The following PATJ variants were observed in gnomAD, a reference collection of about 807,000 sequenced individuals.
The protein encoded by PATJ is PATJ crumbs cell polarity complex component.
A neutral mutation model predicts 224.9 loss-of-function variants in PATJ; 190 were observed. The observed-to-expected ratio is 0.84, with a 90% confidence interval of 0.75 to 0.95. The LOEUF is 0.95. PATJ is among the 40% of genes least tolerant of loss of function. The probability of loss-of-function intolerance (pLI) is 0.00; values close to 1 mark genes in which losing one functional copy is unlikely to be tolerated. For missense variants in PATJ, 2,121 were observed against 2,270.3 expected (o/e 0.93, Z 1.34); for synonymous variants, 769 against 820.3 (o/e 0.94, Z 1.07).
At chr1:62,157,631 G>A (rs893322314) in intron 43 of PATJ, among the ~76,000 whole-genome samples, 1 of 148,384 alleles carries the variant, frequency 6.7e-6, no homozygotes, top group Non-Finnish European at 1.5e-5. Context: ...AGGAGTTAAA[G>A]ACCAGCCTGG....
At chr1:62,145,803 A>G (rs1479257583) in intron 41 of PATJ, among the ~76,000 whole-genome samples, 1 of 151,768 alleles carries the variant, frequency 6.6e-6, no homozygotes, top group African/African-American at 2.4e-5. Flanking sequence ...TAAAAATACA[A>G]AAAAATTAGC....
intron 28 of PATJ, among the ~76,000 whole-genome samples, chr1:61,999,127 G>T (rs1281417315): frequency 6.6e-6 from 1 of 152,072 alleles, no homozygotes; most frequent in Non-Finnish European, 1.5e-5. Flanking sequence ...ATGTATGCTG[G>T]GGAAGAAATT....
intron 30 of PATJ, chr1:62,038,840 G>A (rs538491381): frequency 1.4e-6 from 1 of 708,274 alleles, no homozygotes; most frequent in African/African-American, 1.7e-5. Flanking sequence ...ACGGTGGGTG[G>A]GATGGAGGCG....
chr1:61,855,894 T>C (rs535737633), intron 17 of PATJ, 136 bp from the exon 18 acceptor site: 10 of 654,094 alleles, frequency 1.5e-5, no homozygotes, highest in African/African-American at 1.3e-4. Context: ...TTTACCTGTT[T>C]AGAAGATTAT....
chr1:62,114,213 G>T lies in PATJ; in HGVS notation c.4622G>T (p.Gly1541Val). 2 of 1,614,144 alleles carry T rather than the reference G, an allele frequency of 1.2e-6. No homozygotes were observed. The highest frequency in any genetic ancestry group is 1.7e-6 in the Non-Finnish European group (2 of 1,179,996). ...CCTGTGGATCTGCAGAAGAAAGCTG[G>T]CCGGGGCCTGGGCCTGAGCATCGTT... ...IFPVDLQKKA[G>V]RGLGLSIVGK... Residue 1541 changes from glycine (G) to valine (V), a missense_variant, in exon 35 of 44, where the codon GGC (glycine) becomes GTC (valine). Coordinates refer to ENST00000642238, the MANE Select transcript of PATJ (RefSeq NM_001350145.3).
At chr1:62,027,125 C>T (rs1421478808) in intron 29 of PATJ, among the ~76,000 whole-genome samples, 1 of 152,206 alleles carries the variant, frequency 6.6e-6, no homozygotes, top group Non-Finnish European at 1.5e-5. Context: ...AACAACTCCC[C>T]ATTCTTCCCT....
At chr1:61,945,610 A>G (rs1014585777) in intron 27 of PATJ, among the ~76,000 whole-genome samples, 1 of 152,154 alleles carries the variant, frequency 6.6e-6, no homozygotes, top group African/African-American at 2.4e-5. Flanking sequence ...AGAGACTTAG[A>G]CTCCCACACA....
intron 28 of PATJ, among the ~76,000 whole-genome samples, chr1:61,997,982 T>TTTTA (rs374175697): frequency 0.16 from 18,737 of 118,076 alleles, 1,981 homozygotes; most frequent in Non-Finnish European, 0.21. Flanking sequence ...TGTGCCCAGC[T>TTTTA]TATATATGTA....
intron 41 of PATJ, among the ~76,000 whole-genome samples, chr1:62,144,974 G>A (rs987800170): frequency 4.0e-5 from 6 of 151,816 alleles, no homozygotes; most frequent in Non-Finnish European, 7.4e-5. Flanking sequence ...CACCACACCG[G>A]CTAATTTCTT....
At chr1:62,079,326 C>T (rs1015635168) in intron 31 of PATJ, 124 bp from the exon 32 acceptor site, 4 of 637,210 alleles carry the variant, frequency 6.3e-6, no homozygotes, top group African/African-American at 5.5e-5. Context: ...ACCCTCCAAC[C>T]TTATATTCTC....
intron 33 of PATJ, among the ~76,000 whole-genome samples, chr1:62,107,646 A>G (rs1452052365): frequency 6.6e-6 from 1 of 152,134 alleles, no homozygotes; most frequent in Non-Finnish European, 1.5e-5. Flanking sequence ...GGTGGGAAGC[A>G]GTCTATTTTT....
chr1:61,953,248 A>T (rs141041942), intron 27 of PATJ, among the ~76,000 whole-genome samples: 1 of 152,252 alleles, frequency 6.6e-6, no homozygotes, highest in Admixed American at 6.5e-5. Context: ...GTATTCTTGC[A>T]TAAGTATTAT....
At chr1:62,136,677 G>C (rs9436659) in intron 41 of PATJ, among the ~76,000 whole-genome samples, 10 of 147,374 alleles carry the variant, frequency 6.8e-5, no homozygotes, top group African/African-American at 2.2e-4. Context: ...GTGTGTGTGT[G>C]TGTGTGTGTG....
chr1:61,808,589 C>A (rs1654048922), intron 14 of PATJ, 59 bp downstream of exon 14: 1 of 1,070,356 alleles, frequency 9.3e-7, no homozygotes, highest in South Asian at 1.3e-5. Context: ...TAGGGTCTCA[C>A]TATGTTGTCC....
chr1:62,123,126 C>T, intron 39 of PATJ, 68 bp downstream of exon 39: 1 of 1,096,124 alleles, frequency 9.1e-7, no homozygotes, highest in South Asian at 1.4e-5. Context: ...TGTACATTTT[C>T]CCCAATACAG....
intron 41 of PATJ, among the ~76,000 whole-genome samples, chr1:62,134,330 C>CT (rs779235130): frequency 0.61 from 59,403 of 96,824 alleles, 17,180 homozygotes; most frequent in East Asian, 0.72. Flanking sequence ...CCAGCCCTCT[C>CT]TTTTTTTTTT....
intron 43 of PATJ, among the ~76,000 whole-genome samples, chr1:62,155,692 T>TAA (rs34095874): frequency 0.22 from 31,131 of 140,476 alleles, 4,531 homozygotes; most frequent in East Asian, 0.64. Flanking sequence ...GCTCTGAATT[T>TAA]AAAAAAAAAA....
At chr1:61,822,000 A>T (rs1161491842) in intron 14 of PATJ, among the ~76,000 whole-genome samples, 1 of 152,190 alleles carries the variant, frequency 6.6e-6, no homozygotes. Flanking sequence ...CAGACCTAGA[A>T]TGGATAAACG....
chr1:61,856,226 G>A lies in PATJ; in HGVS notation c.2309G>A (p.Cys770Tyr), dbSNP rs540662157. ...VPPGLVHLGI[C>Y]KPLVEDNEEE... Reference sequence around the variant, plus strand: ...CCAGGCCTAGTACACCTTGGCATCTGTAAGCCTTTGGTGGTAAGTGTTGTA... The same window carrying A: ...CCAGGCCTAGTACACCTTGGCATCTATAAGCCTTTGGTGGTAAGTGTTGTA... Residue 770 changes from cysteine to tyrosine, a missense_variant, in exon 18 of 44, where the codon TGT becomes TAT. Transcript: ENST00000642238. 1.9e-5 allele frequency: 31 copies of A among 1,613,378 alleles called. No individual in the cohort carries two copies. Among genetic ancestry groups the A allele is most frequent in the Middle Eastern group, 3.3e-4 (2 of 6,062 alleles).
Sources: gnomAD v4.1 joint callset for allele counts (sites outside exome capture counted in the v4.1 genomes callset) on GRCh38, gnomAD v4.1.1 for gene constraint, MANE v1.5 for transcripts, NCBI Gene and HGNC (gene_info 2026-07-23, HGNC 2026-07-21) for gene names.